RNF130: variants seen among roughly 807,000 people sequenced by gnomAD.
The protein encoded by RNF130 is E3 ubiquitin-protein ligase RNF130.
A neutral mutation model predicts 44.6 loss-of-function variants in RNF130; 21 were observed. The ratio of observed to expected loss-of-function variants is 0.47; its 90% CI spans 0.33 to 0.68. RNF130 has a LOEUF of 0.68. Ranked by LOEUF, RNF130 falls within the 30% of genes least tolerant of loss-of-function variation. RNF130 has a pLI of 0.02. For synonymous variants in RNF130, 214 were observed against 210.4 expected (o/e 1.02, Z -0.15); for missense variants, 479 against 560.6 (o/e 0.85, Z 1.47).
At chr5:180,057,763 T>C (rs1377553095) in intron 1 of RNF130, among the ~76,000 whole-genome samples, 1 of 152,190 alleles carries the variant, frequency 6.6e-6, no homozygotes, top group African/African-American at 2.4e-5. Context: ...CCCTTTATAA[T>C]AACAGGGACA....
chr5:179,935,515 C>CAT (rs1554100136), intron 7 of RNF130, among the ~76,000 whole-genome samples: 3 of 150,512 alleles, frequency 2.0e-5, no homozygotes, highest in East Asian at 3.9e-4. Context: ...TATGTCAGCA[C>CAT]GTGTGTGTGT....
chr5:180,014,514 TATC>T (rs1471630758), intron 2 of RNF130, among the ~76,000 whole-genome samples: 1 of 152,116 alleles, frequency 6.6e-6, no homozygotes, highest in East Asian at 1.9e-4. Flanking sequence ...GGTTTGTACA[TATC>T]AATGTAAACC....
intron 3 of RNF130, 93 bp downstream of exon 3, chr5:180,012,968 A>G (rs931528526): frequency 7.0e-7 from 1 of 1,424,636 alleles, no homozygotes. Flanking sequence ...ACATTTTTTA[A>G]AAGAAAAAAC....
At position 180,057,123 on chromosome 5, in the gene RNF130, G is replaced by C. The variant is rs146264367; in HGVS notation, c.247+14333C>G. Among the ~76,000 whole-genome samples the C allele has an allele frequency of 8.5e-3, 1,289 of 152,312 alleles. 15 individuals carry two copies. The highest frequency in any genetic ancestry group is 0.027 in the Middle Eastern group (8 of 294). ...AGGTGACTCTTGGAAGATGGGGTCT[G>C]GTTGCCAGAGGAACCAATCATGTAA... On this transcript the variant is annotated intron_variant, in intron 1 of 8. Coordinates refer to ENST00000521389, the MANE Select transcript of RNF130 (RefSeq NM_018434.6).
At chr5:179,971,665 G>A (rs947987485) in intron 5 of RNF130, among the ~76,000 whole-genome samples, 9 of 152,150 alleles carry the variant, frequency 5.9e-5, no homozygotes, top group Non-Finnish European at 8.8e-5. Context: ...CACCACACCC[G>A]GCCAAGATAA....
chr5:179,955,435 G>T lies in RNF130; in HGVS notation c.*219C>A. On this transcript the variant is annotated 3_prime_UTR_variant, in exon 9 of 9. Transcript: ENST00000521389. ...ATCTGGGTCTGCGAGCTTCAAATCA[G>T]CCCTCAAAACACAGGTCTGGTTAAT... 1 of 443,154 alleles carries T rather than the reference G, an allele frequency of 2.3e-6. No individual in the cohort carries two copies. The highest frequency in any genetic ancestry group is 3.9e-5 in the Admixed American group (1 of 25,576). 27.5% of individuals were successfully genotyped at this position (443,154 alleles called of 1,614,324 possible).
intron 3 of RNF130, among the ~76,000 whole-genome samples, chr5:179,992,026 G>C (rs1374984908): frequency 6.6e-6 from 1 of 152,156 alleles, no homozygotes; most frequent in Non-Finnish European, 1.5e-5. Flanking sequence ...GCTAGCAATG[G>C]GGAGCGACTG....
At chr5:180,051,235 A>ATAT (rs1561707922) in intron 1 of RNF130, among the ~76,000 whole-genome samples, 14 of 55,716 alleles carry the variant, frequency 2.5e-4, no homozygotes, top group African/African-American at 6.5e-4. Flanking sequence ...TTGTATAGAT[A>ATAT]TTATATTTAT....
downstream of RNF130, among the ~76,000 whole-genome samples, chr5:179,951,781 T>G (rs1762130524): frequency 6.6e-6 from 1 of 152,090 alleles, no homozygotes; most frequent in African/African-American, 2.4e-5. Flanking sequence ...TTTGTGAAAT[T>G]TATGAACACA....
chr5:179,953,342 T>C (rs755316047), downstream of RNF130, among the ~76,000 whole-genome samples: 9 of 151,868 alleles, frequency 5.9e-5, no homozygotes, highest in Non-Finnish European at 1.2e-4. Flanking sequence ...AAGTTGATTC[T>C]AAAATTCATG....
chr5:179,978,452 A>G, intron 4 of RNF130, among the ~76,000 whole-genome samples, 167 bp from the exon 5 acceptor site: 1 of 152,366 alleles, frequency 6.6e-6, no homozygotes, highest in South Asian at 2.1e-4. Context: ...TATTGGCCCA[A>G]ATTATGTCTA....
chr5:179,962,699 G>C (rs1445676407), intron 8 of RNF130, among the ~76,000 whole-genome samples: 1 of 152,056 alleles, frequency 6.6e-6, no homozygotes, highest in East Asian at 1.9e-4. Flanking sequence ...AACAGCATTG[G>C]ATCAAAATGG....
exon 8 of RNF130, chr5:179,917,734 G>C (rs1385731932): frequency 6.6e-6 from 1 of 152,240 alleles, no homozygotes; most frequent in Non-Finnish European, 1.5e-5. Flanking sequence ...GGGCATGGTG[G>C]CTCACAACTG....
intron 2 of RNF130, chr5:180,015,213 T>G (rs1036940969): frequency 2.6e-6 from 1 of 391,790 alleles, no homozygotes; most frequent in Non-Finnish European, 5.6e-6. Context: ...ATCAGTAAAT[T>G]AGAGACAATC....
intron 3 of RNF130, among the ~76,000 whole-genome samples, chr5:179,990,991 C>T (rs971181909): frequency 3.9e-5 from 6 of 152,172 alleles, no homozygotes; most frequent in African/African-American, 1.4e-4. Flanking sequence ...GGTCTCTTGC[C>T]TCGGCACCTG....
At chr5:179,975,274 G>C (rs185100995) in intron 5 of RNF130, among the ~76,000 whole-genome samples, 23 of 152,226 alleles carry the variant, frequency 1.5e-4, no homozygotes, top group African/African-American at 5.3e-4. Flanking sequence ...ATCTGCTGGG[G>C]TGAGGCTTGA....
intron 1 of RNF130, among the ~76,000 whole-genome samples, chr5:180,043,161 T>TA (rs1044363945): frequency 7.9e-5 from 12 of 151,774 alleles, no homozygotes; most frequent in African/African-American, 2.7e-4. Context: ...CTACACAAAA[T>TA]AAAAAACAAA....
rs746319194 is a variant in RNF130, at chr5:180,013,328, A to G, written c.443-17T>C. 6.9e-6 allele frequency: 11 copies of G among 1,583,698 alleles called. No individual in the cohort carries two copies. Among genetic ancestry groups the G allele is most frequent in the Middle Eastern group, 3.4e-4 (2 of 5,908 alleles). On this transcript the variant is annotated splice_polypyrimidine_tract_variant and intron_variant, in intron 2 of 8. Transcript: ENST00000521389. Reference sequence around the variant, plus strand: ...CTCCAGTGCCTGCAATATAAAATAAATATATAACTCAAGTGACATTTAAAA... The same window carrying G: ...CTCCAGTGCCTGCAATATAAAATAAGTATATAACTCAAGTGACATTTAAAA...
chr5:179,928,753 C>T (rs1263879004), intron 7 of RNF130, among the ~76,000 whole-genome samples: 1 of 151,990 alleles, frequency 6.6e-6, no homozygotes, highest in Non-Finnish European at 1.5e-5. Flanking sequence ...CTCAGCCTCC[C>T]GAGTAGCTGG....
Sources: allele counts gnomAD v4.1 joint callset (sites outside exome capture counted in the v4.1 genomes callset), GRCh38; gene constraint gnomAD v4.1.1; transcripts MANE v1.5; gene names NCBI Gene and HGNC (gene_info 2026-07-23, HGNC 2026-07-21).